Variants in CALR3 observed in about 807,000 individuals in gnomAD.
CALR3 encodes the protein calreticulin-3.
CALR3 carries 39 observed loss-of-function variants against 48.7 expected under a neutral mutation model. That is an observed-to-expected ratio of 0.80 (90% CI 0.62 to 1.05). The LOEUF (loss-of-function observed/expected upper bound fraction) is 1.05, where lower values mean the gene tolerates loss of function less well. CALR3 is among the 50% of genes least tolerant of loss of function. The probability of loss-of-function intolerance (pLI) is 0.00; values close to 1 mark genes in which losing one functional copy is unlikely to be tolerated. For missense variants in CALR3, 449 were observed against 474.7 expected (o/e 0.95, Z 0.50); for synonymous variants, 185 against 172.7 (o/e 1.07, Z -0.56).
rs376479901 is a variant in CALR3 at position 16,485,263 on chromosome 19, A to G, written c.398-6T>C. On this transcript the variant is annotated splice_region_variant and splice_polypyrimidine_tract_variant and intron_variant, in intron 3 of 8. Coordinates refer to ENST00000269881, the MANE Select transcript of CALR3 (RefSeq NM_145046.5). ...AAATCCACAAATATCGGGTCCTACAAAAAAGATTAGCTGCTCTCAATTTCT... is the reference window on the plus strand; with the variant it reads ...AAATCCACAAATATCGGGTCCTACAGAAAAGATTAGCTGCTCTCAATTTCT... 1,987 of 1,567,112 alleles carry G rather than the reference A, an allele frequency of 1.3e-3. 4 individuals are homozygous for G. Among genetic ancestry groups the G allele is most frequent in the Non-Finnish European group, 1.4e-3 (1,578 of 1,137,766 alleles).
chr19:16,495,286 TG>T (rs1243675150), intron 2 of CALR3, among the ~76,000 whole-genome samples: 2 of 144,052 alleles, frequency 1.4e-5, no homozygotes, highest in African/African-American at 5.2e-5. Flanking sequence ...GAGAGGAGGC[TG>T]GATGTTGTGG....
intron 2 of CALR3, among the ~76,000 whole-genome samples, chr19:16,493,736 T>A (rs989451046): frequency 3.0e-4 from 45 of 151,412 alleles, no homozygotes; most frequent in African/African-American, 4.9e-4. Context: ...ATATATATAT[T>A]TTTTTTCTTG....
At chr19:16,485,373 G>A (rs1484857955) in intron 3 of CALR3, 116 bp from the exon 4 acceptor site, 2 of 701,526 alleles carry the variant, frequency 2.9e-6, no homozygotes, top group East Asian at 2.8e-5. Context: ...CACCCAGGCT[G>A]GAGTGCAGTG....
intron 3 of CALR3, among the ~76,000 whole-genome samples, chr19:16,486,033 A>G (rs906011064): frequency 6.6e-5 from 10 of 152,026 alleles, no homozygotes; most frequent in Non-Finnish European, 1.5e-4. Context: ...TGTGTTCTGA[A>G]GCTTATTTAA....
intron 3 of CALR3, among the ~76,000 whole-genome samples, chr19:16,486,466 A>C (rs1209505244): frequency 6.6e-6 from 1 of 151,910 alleles, no homozygotes; most frequent in Non-Finnish European, 1.5e-5. Flanking sequence ...CTAAAAATAC[A>C]AAAATTAGCC....
At chr19:16,490,793 T>C (rs2093396690) in intron 2 of CALR3, among the ~76,000 whole-genome samples, 1 of 152,026 alleles carries the variant, frequency 6.6e-6, no homozygotes, top group Admixed American at 6.6e-5. Context: ...AGTCTCACTC[T>C]GTCGCCCAGG....
intron 3 of CALR3, among the ~76,000 whole-genome samples, chr19:16,488,907 A>G (rs956178214): frequency 5.9e-5 from 9 of 152,134 alleles, no homozygotes; most frequent in Non-Finnish European, 1.3e-4. Flanking sequence ...TTGTAAGCCT[A>G]ATGATCTCTG....
intron 7 of CALR3, among the ~76,000 whole-genome samples, chr19:16,481,535 G>A (rs1326266575): frequency 4.3e-5 from 6 of 138,512 alleles, no homozygotes; most frequent in Non-Finnish European, 7.5e-5. Context: ...CTGGAGTGCC[G>A]TGGCGCGATC....
In CALR3 at chr19:16,484,132, G is replaced by A. The variant is rs768610670; in HGVS notation, c.493-17C>T. 3.1e-6 allele frequency: 5 copies of A among 1,602,640 alleles called. No homozygotes were observed. The highest frequency in any genetic ancestry group is 4.3e-6 in the Non-Finnish European group (5 of 1,170,776). ...GCCATCAACCTGCATATTTTAGGGGGAAAAGCGTAACAATTAAATCCTCAA... is the reference window on the plus strand; with the variant it reads ...GCCATCAACCTGCATATTTTAGGGGAAAAAGCGTAACAATTAAATCCTCAA... On this transcript the variant is annotated splice_polypyrimidine_tract_variant and intron_variant, in intron 4 of 8. Coordinates refer to ENST00000269881, the MANE Select transcript of CALR3 (RefSeq NM_145046.5).
chr19:16,490,284 C>CA lies in CALR3; in HGVS notation c.397+82dup, dbSNP rs1386768209. On this transcript the variant is annotated intron_variant, in intron 3 of 8. Coordinates refer to ENST00000269881, the MANE Select transcript of CALR3 (RefSeq NM_145046.5). ...AATACTACTACCTTCACTACATTAG[C>CA]AAAGTCTTAGTCTAAAGATCCTGTG... The CA allele has an allele frequency of 2.4e-6, 3 of 1,252,626 alleles. No individual in the cohort carries two copies. The African/African-American group carries it at 4.4e-5, about 18-fold the overall frequency. The allele number at this position is 1,252,626 out of a possible 1,614,324, so 77.6% of individuals were successfully genotyped here. A position where few individuals can be genotyped will look rare whatever the true frequency, so the allele number is the denominator to read the frequency against.
chr19:16,488,435 C>A (rs548965801), intron 3 of CALR3, among the ~76,000 whole-genome samples: 1 of 152,036 alleles, frequency 6.6e-6, no homozygotes, highest in South Asian at 2.1e-4. Context: ...GATGGAGTCT[C>A]GTTCTGTTAC....
chr19:16,495,734 CCT>C lies in CALR3; in HGVS notation c.193+15_193+16del, dbSNP rs781108034. Reference sequence around the variant, plus strand: ...AATGTAACATTAGGCTCAATTTGGTCCTGATTCTACACTAACCTTTATCTTTC... The same window carrying C: ...AATGTAACATTAGGCTCAATTTGGTCGATTCTACACTAACCTTTATCTTTC... On this transcript the variant is annotated intron_variant, in intron 2 of 8. Transcript: ENST00000269881. 13 of 1,593,740 alleles carry C rather than the reference CCT, an allele frequency of 8.2e-6. No individual in the cohort carries two copies. The highest frequency in any genetic ancestry group is 6.9e-6 in the Non-Finnish European group (8 of 1,161,614).
chr19:16,493,542 ATTTTTTTTT>A (rs3032114), intron 2 of CALR3, among the ~76,000 whole-genome samples: 16 of 72,926 alleles, frequency 2.2e-4, no homozygotes, highest in Middle Eastern at 7.1e-3. Flanking sequence ...TGAAGCTAGA[ATTTTTTTTT>A]TTTTTTTTTT....
rs35650345 is a variant in CALR3 at position 16,481,923 on chromosome 19, T to TTTTTC, written c.918+526_918+527insGAAAA. ...CCATCTCTTTTTTTTTTTTTTTTTTTTGAGACGGAGTCTTGCTCTGTCACC... is the reference window on the plus strand; with the variant it reads ...CCATCTCTTTTTTTTTTTTTTTTTTTTTTTCTGAGACGGAGTCTTGCTCTGTCACC... On this transcript the variant is annotated intron_variant, in intron 7 of 8. Coordinates refer to ENST00000269881, the MANE Select transcript of CALR3 (RefSeq NM_145046.5). Among the ~76,000 whole-genome samples the TTTTTC allele has an allele frequency of 6.3e-5, 8 of 126,286 alleles. 1 individual carries two copies. The highest frequency in any genetic ancestry group is 8.9e-5 in the Admixed American group (1 of 11,248). 82.8% of individuals were successfully genotyped at this position (126,286 alleles called of 152,430 possible). A position where few individuals can be genotyped will look rare whatever the true frequency, so the allele number is the denominator to read the frequency against.
intron 8 of CALR3, among the ~76,000 whole-genome samples, 188 bp downstream of exon 8, chr19:16,480,426 C>A (rs1215048983): frequency 6.6e-6 from 1 of 151,770 alleles, no homozygotes; most frequent in Non-Finnish European, 1.5e-5. Flanking sequence ...GTGGCATGCG[C>A]CTGTAGTCCC....
rs1443146127 is a variant in CALR3, at chr19:16,479,134, A to G, written c.1152T>C (p.Leu384=). 1 of 1,614,136 alleles carries G rather than the reference A, an allele frequency of 6.2e-7. No individual in the cohort carries two copies. The highest frequency in any genetic ancestry group is 8.5e-7 in the Non-Finnish European group (1 of 1,180,024). The change falls in exon 9 of 9, where the codon CTT becomes CTC. Residue 384 remains leucine (L), a synonymous_variant. Transcript: ENST00000269881. ...TCCTTATATCCAATGGGGATCACTA[A>G]AGTTCATTCCTTCTGTGAAATTGAT... ...YFNQFHRRNE[L]
chr19:16,490,498 T>C lies in CALR3; in HGVS notation c.266A>G (p.Lys89Arg). 1 of 1,614,182 alleles carries C rather than the reference T, an allele frequency of 6.2e-7. No homozygotes were observed. Among genetic ancestry groups the C allele is most frequent in the Non-Finnish European group, 8.5e-7 (1 of 1,180,040 alleles). The change falls in exon 3 of 9, where the codon AAA (lysine) becomes AGA (arginine). Residue 89 changes from lysine to arginine, a missense_variant. Lys to Arg is a conservative substitution (Grantham distance 26). Coordinates refer to ENST00000269881, the MANE Select transcript of CALR3 (RefSeq NM_145046.5). ...ARFKPFSNKG[K>R]TLVIQYTVKH... ...TACTGTGTACTGAATAACCAGAGTT[T>C]TCCCTTTATTGCTGAACGGTTTGAA...
intron 2 of CALR3, among the ~76,000 whole-genome samples, chr19:16,491,226 C>T (rs892132756): frequency 6.6e-6 from 1 of 151,306 alleles, no homozygotes. Flanking sequence ...GGGTTCACGC[C>T]ATTCTCCTGC....
At chr19:16,483,616 G>GCTGTAATC (rs1568485679) in intron 5 of CALR3, 1 of 284,852 alleles carries the variant, frequency 3.5e-6, no homozygotes, top group Non-Finnish European at 6.9e-6. Context: ...TATTCGGGAG[G>GCTGTAATC]CTGAGGCAGG....
Sources: gnomAD v4.1 joint callset for allele counts (sites outside exome capture counted in the v4.1 genomes callset) on GRCh38, gnomAD v4.1.1 for gene constraint, MANE v1.5 for transcripts, NCBI Gene and HGNC (gene_info 2026-07-23, HGNC 2026-07-21) for gene names.